Variants in MAP3K2 observed in about 807,000 individuals in gnomAD.
MAP3K2 encodes the protein MAP/ERK kinase kinase 2.
Under a neutral mutation model 80.3 loss-of-function variants are expected in MAP3K2, and 24 were observed. The observed-to-expected ratio is 0.30, with a 90% CI of 0.22 to 0.42. The LOEUF (loss-of-function observed/expected upper bound fraction) is 0.42. MAP3K2 is among the 10% of genes least tolerant of loss of function. The pLI is 1.00. For missense variants in MAP3K2, 608 were observed against 750.1 expected (o/e 0.81, Z 2.21); for synonymous variants, 244 against 253.7 (o/e 0.96, Z 0.36).
At chr2:127,347,401 A>C (rs1200607545) in intron 1 of MAP3K2, among the ~76,000 whole-genome samples, 1 of 152,184 alleles carries the variant, frequency 6.6e-6, no homozygotes, top group African/African-American at 2.4e-5. Context: ...GCAGGATACA[A>C]GGTCAACATT....
intron 1 of MAP3K2, among the ~76,000 whole-genome samples, chr2:127,375,407 TTTA>T (rs1489276683): frequency 7.2e-6 from 1 of 139,694 alleles, no homozygotes; most frequent in East Asian, 2.2e-4. Context: ...TTATTATTTA[TTTA>T]TTTATTTATT....
At chr2:127,356,125 A>AC (rs1332156060) in intron 1 of MAP3K2, among the ~76,000 whole-genome samples, 2 of 151,758 alleles carry the variant, frequency 1.3e-5, no homozygotes, top group East Asian at 3.9e-4. Context: ...GAAGTCTTGA[A>AC]CCCCTTCAAA....
chr2:127,346,410 T>TAAAAAAAAAAAAAA (rs70985447), intron 1 of MAP3K2, among the ~76,000 whole-genome samples: 3 of 96,344 alleles, frequency 3.1e-5, no homozygotes, highest in Non-Finnish European at 6.0e-5. Flanking sequence ...AAACTGGTTT[T>TAAAAAAAAAAAAAA]AAAAAAAAAA....
intron 1 of MAP3K2, among the ~76,000 whole-genome samples, chr2:127,345,366 G>A (rs556014127): frequency 6.6e-6 from 1 of 152,170 alleles, no homozygotes; most frequent in South Asian, 2.1e-4. Context: ...CAACAGAATC[G>A]CAAAATACAC....
chr2:127,367,089 C>T (rs1052522895), intron 1 of MAP3K2, among the ~76,000 whole-genome samples: 3 of 152,024 alleles, frequency 2.0e-5, no homozygotes, highest in African/African-American at 7.2e-5. Flanking sequence ...ACATAACTAA[C>T]CTACCCTTTC....
At position 127,299,175 on chromosome 2, in the gene MAP3K2, A is replaced by C. The variant is rs1573971015; in HGVS notation, c.*8404T>G. The C allele has an allele frequency of 6.6e-6, 1 of 152,156 alleles. No individual in the cohort carries two copies. The highest frequency in any genetic ancestry group is 1.9e-4 in the East Asian group (1 of 5,194). 9.4% of individuals were successfully genotyped at this position (152,156 alleles called of 1,614,324 possible). A position where few individuals can be genotyped will look rare whatever the true frequency, so the allele number is the denominator to read the frequency against. ...TAGTGACATTCAACTTCAACAGTGGACTTTATTCCTAACACGAGTAATTTT... is the reference window on the plus strand; with the variant it reads ...TAGTGACATTCAACTTCAACAGTGGCCTTTATTCCTAACACGAGTAATTTT... On this transcript the variant is annotated 3_prime_UTR_variant, in exon 17 of 17. Transcript: ENST00000682094.
At chr2:127,352,115 A>G (rs1176195196) in intron 1 of MAP3K2, among the ~76,000 whole-genome samples, 2 of 152,010 alleles carry the variant, frequency 1.3e-5, no homozygotes, top group African/African-American at 4.8e-5. Context: ...GGGCACAAGC[A>G]ATCCACCTGC....
rs1341292856 is a variant in MAP3K2, at chr2:127,387,714, G to C, written c.-328C>G. Reference sequence around the variant, plus strand: ...CGGCCGGGTCCTCCTGGCGCTCCTCGGCACTTCTAGCCGCTGCAACCCCGA... The same window carrying C: ...CGGCCGGGTCCTCCTGGCGCTCCTCCGCACTTCTAGCCGCTGCAACCCCGA... On this transcript the variant is annotated 5_prime_UTR_variant, in exon 1 of 17. Transcript: ENST00000682094. 35 of 984,976 alleles carry C rather than the reference G, an allele frequency of 3.6e-5. No homozygotes were observed. Among genetic ancestry groups the C allele is most frequent in the Non-Finnish European group, 4.1e-5 (34 of 829,758 alleles). 61.0% of individuals were successfully genotyped at this position (984,976 alleles called of 1,614,324 possible).
Position 127,299,702 on chromosome 2 carries a change from A to G in MAP3K2, c.*7877T>C, listed in dbSNP as rs116669571. ...GCAAGAGTATTTTAATTGAGCTCTA[A>G]GTATGACTTGCATTCAATTCTGAAA... On this transcript the variant is annotated 3_prime_UTR_variant, in exon 17 of 17. Coordinates refer to ENST00000682094, the MANE Select transcript of MAP3K2 (RefSeq NM_001371910.2). 2.3e-3 allele frequency: 354 copies of G among 152,314 alleles called. 1 individual carries two copies. The highest frequency in any genetic ancestry group is 7.7e-3 in the African/African-American group (321 of 41,578). 9.4% of individuals were successfully genotyped at this position (152,314 alleles called of 1,614,324 possible).
intron 5 of MAP3K2, among the ~76,000 whole-genome samples, chr2:127,334,511 C>T (rs544605539): frequency 6.6e-6 from 1 of 151,790 alleles, no homozygotes; most frequent in Non-Finnish European, 1.5e-5. Flanking sequence ...GCTCACTGTA[C>T]CCTCAAATTC....
rs71414748 is a variant in MAP3K2, at chr2:127,322,846, C to T, written c.839-594G>A. 1.3e-5 allele frequency among the ~76,000 whole-genome samples: 2 copies of T among 151,784 alleles called. No homozygotes were observed. Among genetic ancestry groups the T allele is most frequent in the Non-Finnish European group, 2.9e-5 (2 of 67,928 alleles). On this transcript the variant is annotated intron_variant, in intron 11 of 16. Coordinates refer to ENST00000682094, the MANE Select transcript of MAP3K2 (RefSeq NM_001371910.2). This position sits in a 1 kb window ranked among gnomAD's most constrained non-coding sequence, Gnocchi z 4.2. ...CTGACCTCAGGTGATCCACCCGCCT[C>T]GGCCTCCCAAAGTGCTGGGATTACA...
Position 127,307,638 on chromosome 2 carries a change from C to T in MAP3K2, c.1801G>A (p.Ala601Thr), listed in dbSNP as rs759688100. 1.9e-6 allele frequency: 3 copies of T among 1,588,018 alleles called. No homozygotes were observed. In the South Asian group the frequency reaches 3.4e-5, roughly 18 times the overall value. Residue 601 changes from alanine (A) to threonine (T), a missense_variant, in exon 17 of 17, where the codon GCC becomes ACC. This residue lies in a region of MAP3K2 where 42 missense variants were observed against 53.7 expected (regional missense o/e 0.78). Transcript: ENST00000682094. This position sits in a 1 kb window ranked among gnomAD's most constrained non-coding sequence, Gnocchi z 5.4. Reference protein sequence around the residue: ...RDFLKRIFVEAKLRPSADELL... With the variant: ...RDFLKRIFVETKLRPSADELL... ...TCATCAGCTGAAGGTCTCAGTTTGG[C>T]CTCTACAAAAATCCGTTTGAGGAAA...
rs1243177122 is a variant in MAP3K2, at chr2:127,299,020, A to G, written c.*8559T>C. 6.6e-6 allele frequency: 1 copy of G among 152,232 alleles called. No individual in the cohort carries two copies. Among genetic ancestry groups the G allele is most frequent in the Admixed American group, 6.5e-5 (1 of 15,284 alleles). The allele number at this position is 152,232 out of a possible 1,614,324, so 9.4% of individuals were successfully genotyped here. On this transcript the variant is annotated 3_prime_UTR_variant, in exon 17 of 17. Transcript: ENST00000682094. The stretch of plus-strand genomic sequence containing the variant: ...AAATTATAAAACTCAGAAATTGTAT[A>G]CATTTTTACAAGCACAATTTTGAAT...
At chr2:127,330,047 C>T (rs1686222176) in intron 6 of MAP3K2, 39 bp from the exon 7 acceptor site, 6 of 1,207,622 alleles carry the variant, frequency 5.0e-6, no homozygotes, top group Non-Finnish European at 7.3e-6. Context: ...ATTCTTCCTC[C>T]TTGGGGCTTT....
intron 1 of MAP3K2, among the ~76,000 whole-genome samples, chr2:127,351,447 A>G (rs1022323431): frequency 2.0e-5 from 3 of 152,178 alleles, no homozygotes; most frequent in Non-Finnish European, 4.4e-5. Context: ...TGTAAAAACA[A>G]AAACAAAGTG....
chr2:127,339,626 T>C lies in MAP3K2; in HGVS notation c.5-576A>G, dbSNP rs1686439091. Among the ~76,000 whole-genome samples, 2 of 152,172 alleles carry C rather than the reference T, an allele frequency of 1.3e-5. No homozygotes were observed. Among genetic ancestry groups the C allele is most frequent in the Non-Finnish European group, 2.9e-5 (2 of 68,018 alleles). ...CTAAAAACAGACTATTTAAAGATCTTGGCCAGCAACAATGTAAGAAAATTC... is the reference window on the plus strand; with the variant it reads ...CTAAAAACAGACTATTTAAAGATCTCGGCCAGCAACAATGTAAGAAAATTC... On this transcript the variant is annotated intron_variant, in intron 2 of 16. Transcript: ENST00000682094. This position sits in a 1 kb window ranked among gnomAD's most constrained non-coding sequence, Gnocchi z 4.2.
At position 127,355,779 on chromosome 2, in the gene MAP3K2, G is replaced by C. The variant is rs559378856; in HGVS notation, c.-65-12585C>G. On this transcript the variant is annotated intron_variant, in intron 1 of 16. Transcript: ENST00000682094. ...CATGAAAAATTTTACTCTAGCATTCGATGCTGTTTGATAAAATTTTACCCA... is the reference window on the plus strand; with the variant it reads ...CATGAAAAATTTTACTCTAGCATTCCATGCTGTTTGATAAAATTTTACCCA... Among the ~76,000 whole-genome samples, 135 of 152,154 alleles carry C rather than the reference G, an allele frequency of 8.9e-4. 5 individuals carry two copies. Among genetic ancestry groups the C allele is most frequent in the African/African-American group, 3.2e-3 (131 of 41,446 alleles).
chr2:127,329,956 A>G lies in MAP3K2; in HGVS notation c.431T>C (p.Phe144Ser). Residue 144 changes from phenylalanine (F) to serine (S), a missense_variant, in exon 7 of 17, where the codon TTT becomes TCT. Coordinates refer to ENST00000682094, the MANE Select transcript of MAP3K2 (RefSeq NM_001371910.2). ...TAGCCGTTTTTTCCTCTCTGCTCCA[A>G]ATACTGTATTATCCAAATCTTCTAG... ...PSLEDLDNTVFGAERKKRLSI... is the reference protein window; with the variant it reads ...PSLEDLDNTVSGAERKKRLSI... The G allele has an allele frequency of 6.2e-7, 1 of 1,609,652 alleles. No individual in the cohort carries two copies. Among genetic ancestry groups the G allele is most frequent in the South Asian group, 1.1e-5 (1 of 90,968 alleles).
At chr2:127,334,576 G>A (rs144050695) in intron 5 of MAP3K2, among the ~76,000 whole-genome samples, 248 of 152,140 alleles carry the variant, frequency 1.6e-3, no homozygotes, top group African/African-American at 5.3e-3. Context: ...CTCCCGAATA[G>A]CTGGGACTAC....
Sources: allele counts gnomAD v4.1 joint callset (sites outside exome capture counted in the v4.1 genomes callset), GRCh38; gene constraint gnomAD v4.1.1; regional missense constraint gnomAD v4.1.1; non-coding constraint Gnocchi (gnomAD v3.1); transcripts MANE v1.5; gene names NCBI Gene and HGNC (gene_info 2026-07-23, HGNC 2026-07-21).